The following TCHP variants were observed in gnomAD, a reference collection of about 807,000 sequenced individuals.
TCHP encodes the protein trichoplein keratin filament binding.
In TCHP, 81 loss-of-function variants were observed where a neutral mutation model predicts 88.7. The ratio of observed to expected loss-of-function variants is 0.91; its 90% CI spans 0.76 to 1.10. The LOEUF is 1.10. Ranked by LOEUF, TCHP falls within the 50% of genes least tolerant of loss-of-function variation. The pLI is 0.00. For synonymous variants in TCHP, 232 were observed against 232.5 expected (o/e 1.00, Z 0.02); for missense variants, 641 against 632.1 (o/e 1.01, Z -0.15).
chr12:109,883,644 C>A, the TCHP span, among the ~76,000 whole-genome samples: 4 of 152,134 alleles, frequency 2.6e-5, no homozygotes, highest in African/African-American at 4.8e-5. Flanking sequence ...TGTCAGACGC[C>A]TCTATCAATT....
In TCHP at chr12:109,914,857, CTCTG is replaced by C; in HGVS notation, c.1320+235_1320+238del. Reference sequence around the variant, plus strand: ...CCGGTACTGCTGTCTGTTCTCTTTACTCTGTCTGCTTCTGCAAGCAGTTGGCTTA... The same window carrying C: ...CCGGTACTGCTGTCTGTTCTCTTTACTCTGCTTCTGCAAGCAGTTGGCTTA... On this transcript the variant is annotated intron_variant, in intron 11 of 12. Coordinates refer to ENST00000405876, the MANE Select transcript of TCHP (RefSeq NM_001143852.2). 1.0e-5 allele frequency: 5 copies of C among 493,792 alleles called. No homozygotes were observed. In the South Asian group the frequency reaches 1.1e-4, roughly 11 times the overall value. 30.6% of individuals were successfully genotyped at this position (493,792 alleles called of 1,614,324 possible).
intron 10 of TCHP, among the ~76,000 whole-genome samples, chr12:109,913,779 C>T (rs1353829460): frequency 6.6e-6 from 1 of 152,208 alleles, no homozygotes; most frequent in Non-Finnish European, 1.5e-5. Flanking sequence ...ATTTTGGAAT[C>T]CACAGGAAAT....
chr12:109,880,900 C>T, the TCHP span, among the ~76,000 whole-genome samples: 3 of 152,312 alleles, frequency 2.0e-5, no homozygotes, highest in Admixed American at 6.5e-5. This position sits in a 1 kb window ranked among gnomAD's most constrained non-coding sequence, Gnocchi z 5.1. Context: ...CCCCAGTAAC[C>T]CCAAGTGACC....
Position 109,907,637 on chromosome 12 carries a change from G to A in TCHP, c.637G>A (p.Asp213Asn). The A allele has an allele frequency of 6.2e-7, 1 of 1,614,102 alleles. No individual in the cohort carries two copies. Among genetic ancestry groups the A allele is most frequent in the African/African-American group, 1.3e-5 (1 of 75,064 alleles). Residue 213 changes from aspartate (D) to asparagine (N), a missense_variant, in exon 6 of 13, where the codon GAC (aspartate) becomes AAC (asparagine). By Grantham distance (23) the Asp-to-Asn change is conservative. Coordinates refer to ENST00000405876, the MANE Select transcript of TCHP (RefSeq NM_001143852.2). ...TGAAGAGGAGAGGAGGCAGCTGGAG[G>A]ACAAGCTCCAGGCCGAGGCACTGCT... Reference protein sequence around the residue: ...KAEEERRQLEDKLQAEALLQQ... With the variant: ...KAEEERRQLENKLQAEALLQQ...
chr12:109,886,374 G>A, the TCHP span, among the ~76,000 whole-genome samples: 1 of 152,086 alleles, frequency 6.6e-6, no homozygotes, highest in Non-Finnish European at 1.5e-5. Flanking sequence ...CTGACCTCAG[G>A]TGATCGACCC....
At chr12:109,883,299 G>C in the TCHP span, among the ~76,000 whole-genome samples, 1 of 151,256 alleles carries the variant, frequency 6.6e-6, no homozygotes, top group Non-Finnish European at 1.5e-5. Flanking sequence ...GCTTCCCAAA[G>C]TGCTAGGATT....
intron 4 of TCHP, 165 bp downstream of exon 4, chr12:109,904,958 C>T (rs988853355): frequency 2.3e-5 from 14 of 608,044 alleles, no homozygotes; most frequent in African/African-American, 1.1e-4. Flanking sequence ...CTGCGCTGAG[C>T]GGCTCATTCG....
chr12:109,914,344 G>C, intron 10 of TCHP, 98 bp from the exon 11 acceptor site: 2 of 1,134,316 alleles, frequency 1.8e-6, no homozygotes. Context: ...CAAGGATGAG[G>C]CTGGGCCTTG....
At chr12:109,909,289 A>G (rs1021712310) in intron 8 of TCHP, among the ~76,000 whole-genome samples, 6 of 152,234 alleles carry the variant, frequency 3.9e-5, no homozygotes, top group African/African-American at 1.4e-4. Flanking sequence ...AGATACAGGT[A>G]TCAAAACATC....
the TCHP span, among the ~76,000 whole-genome samples, chr12:109,884,685 C>A: frequency 6.6e-6 from 1 of 152,090 alleles, no homozygotes; most frequent in Admixed American, 6.6e-5. Flanking sequence ...AAGATGTCAG[C>A]CACACAAAGC....
At chr12:109,902,630 C>A (rs992064214) in intron 1 of TCHP, among the ~76,000 whole-genome samples, 1 of 152,170 alleles carries the variant, frequency 6.6e-6, no homozygotes, top group African/African-American at 2.4e-5. Context: ...CCCACCAGCA[C>A]GCCTGGCTAA....
Position 109,916,685 on chromosome 12 carries a change from G to A in TCHP, c.*62G>A. On this transcript the variant is annotated 3_prime_UTR_variant, in exon 13 of 13. Transcript: ENST00000405876. ...CTGAGGCTTCTGATCCCAGCCGCCA[G>A]GCAGTTTTACAGGGCTCTGTTAACA... 6.3e-7 allele frequency: 1 copy of A among 1,574,974 alleles called. No homozygotes were observed. Among genetic ancestry groups the A allele is most frequent in the Non-Finnish European group, 8.7e-7 (1 of 1,153,012 alleles).
At chr12:109,901,352 T>C (rs1869782804) in intron 1 of TCHP, among the ~76,000 whole-genome samples, 2 of 151,888 alleles carry the variant, frequency 1.3e-5, no homozygotes, top group African/African-American at 4.8e-5. Flanking sequence ...ACTCTTTTTT[T>C]CCCCTTAATC....
chr12:109,908,131 G>GAATT (rs1555217629), intron 6 of TCHP, among the ~76,000 whole-genome samples: 1 of 151,902 alleles, frequency 6.6e-6, no homozygotes, highest in African/African-American at 2.4e-5. Context: ...TTCCTTGAAA[G>GAATT]AGATCTTTCT....
rs1042780109 is a variant in TCHP at position 109,918,063 on chromosome 12, G to A, written c.*1440G>A. The A allele has an allele frequency of 2.6e-5, 4 of 152,162 alleles. No homozygotes were observed. Among genetic ancestry groups the A allele is most frequent in the Non-Finnish European group, 5.9e-5 (4 of 68,040 alleles). The allele number at this position is 152,162 out of a possible 1,614,324, so 9.4% of individuals were successfully genotyped here. On this transcript the variant is annotated 3_prime_UTR_variant, in exon 13 of 13. Coordinates refer to ENST00000405876, the MANE Select transcript of TCHP (RefSeq NM_001143852.2). The stretch of plus-strand genomic sequence containing the variant: ...TAATGGTGAAATAAAATCCTGCTTC[G>A]ACAGCATGGCTTCCTGGCTTTGTTA...
intron 4 of TCHP, among the ~76,000 whole-genome samples, chr12:109,906,200 GTCT>G (rs953736834): frequency 6.6e-6 from 1 of 152,212 alleles, no homozygotes; most frequent in African/African-American, 2.4e-5. Flanking sequence ...ACAGGGTTGA[GTCT>G]TCTCACTCAG....
At chr12:109,881,370 T>A in the TCHP span, among the ~76,000 whole-genome samples, 5 of 152,188 alleles carry the variant, frequency 3.3e-5, no homozygotes, top group Non-Finnish European at 7.4e-5. Context: ...CCAAGTAACA[T>A]CCTCTCCATT....
upstream of TCHP, among the ~76,000 whole-genome samples, chr12:109,900,097 G>T (rs1869689955): frequency 1.3e-5 from 2 of 152,232 alleles, no homozygotes; most frequent in Non-Finnish European, 2.9e-5. Flanking sequence ...ACCTTCACGT[G>T]ATGGTAACCA....
chr12:109,907,097 C>T (rs947239065), intron 5 of TCHP, among the ~76,000 whole-genome samples: 5 of 152,184 alleles, frequency 3.3e-5, no homozygotes, highest in South Asian at 2.1e-4. Context: ...CTCTGTTGCT[C>T]AGGCTGGTCT....
Sources: gnomAD v4.1 joint callset for allele counts (sites outside exome capture counted in the v4.1 genomes callset) on GRCh38, gnomAD v4.1.1 for gene constraint, Gnocchi (gnomAD v3.1) non-coding constraint, MANE v1.5 for transcripts, NCBI Gene and HGNC (gene_info 2026-07-23, HGNC 2026-07-21) for gene names.